Variants in ESYT2 observed in about 807,000 individuals in gnomAD.
ESYT2 encodes the protein extended synaptotagmin-2.
In ESYT2, 54 loss-of-function variants were observed where a neutral mutation model predicts 107.2. That is an observed-to-expected ratio of 0.50 (90% confidence interval 0.40 to 0.63). The LOEUF (loss-of-function observed/expected upper bound fraction) is 0.63, where lower values mean the gene tolerates loss of function less well. ESYT2 is among the 30% of genes least tolerant of loss of function. The pLI is 0.00. For missense variants in ESYT2, 1,020 were observed against 1,094.5 expected (o/e 0.93, Z 0.96); for synonymous variants, 491 against 434.1 (o/e 1.13, Z -1.63).
intron 1 of ESYT2, among the ~76,000 whole-genome samples, chr7:158,809,179 G>C (rs1214278495): frequency 9.9e-5 from 15 of 151,768 alleles, no homozygotes; most frequent in Admixed American, 9.9e-4. Context: ...ATTAAAAAAT[G>C]GGCAAAAGTG....
Position 158,764,784 on chromosome 7 carries a change from C to G in ESYT2, c.994G>C (p.Val332Leu), listed in dbSNP as rs756797333. ...QGKDTYLKGL[V>L]KGKSDPYGII... is the part of the protein sequence containing the mutation. Reference sequence around the variant, plus strand: ...CCATAGGGGTCTGACTTTCCCTTGACAAGTCCCTTAAGGTAAGTGTCTTTC... The same window carrying G: ...CCATAGGGGTCTGACTTTCCCTTGAGAAGTCCCTTAAGGTAAGTGTCTTTC... Residue 332 changes from valine to leucine, a missense_variant, in exon 9 of 23, where the codon GTC becomes CTC. Coordinates refer to ENST00000275418, the MANE Select transcript of ESYT2 (RefSeq NM_001367773.1). 6.2e-7 allele frequency: 1 copy of G among 1,614,196 alleles called. No homozygotes were observed. The highest frequency in any genetic ancestry group is 8.5e-7 in the Non-Finnish European group (1 of 1,180,020).
At chr7:158,759,405 G>C (rs1837882926) in intron 13 of ESYT2, 81 bp downstream of exon 13, 3 of 1,088,214 alleles carry the variant, frequency 2.8e-6, no homozygotes, top group Non-Finnish European at 4.1e-6. Flanking sequence ...GTGATGCAGA[G>C]TGCTGCACAA....
intron 3 of ESYT2, among the ~76,000 whole-genome samples, chr7:158,795,903 T>G (rs181838044): frequency 1.9e-4 from 29 of 152,282 alleles, no homozygotes; most frequent in African/African-American, 6.7e-4. Flanking sequence ...CAGGCAGGTG[T>G]CACACGTAAG....
At chr7:158,787,402 C>T (rs1183846255) in intron 6 of ESYT2, among the ~76,000 whole-genome samples, 1 of 152,150 alleles carries the variant, frequency 6.6e-6, no homozygotes, top group East Asian at 1.9e-4. Flanking sequence ...CGATAACATT[C>T]AACCTGTATA....
chr7:158,734,136 G>GT lies in ESYT2; in HGVS notation c.*70dup. The GT allele has an allele frequency of 1.3e-6, 2 of 1,497,034 alleles. No homozygotes were observed. Among genetic ancestry groups the GT allele is most frequent in the Non-Finnish European group, 1.9e-6 (2 of 1,076,700 alleles). 92.7% of individuals were successfully genotyped at this position (1,497,034 alleles called of 1,614,324 possible). A position where few individuals can be genotyped will look rare whatever the true frequency, so the allele number is the denominator to read the frequency against. The stretch of plus-strand genomic sequence containing the variant: ...GAAATTATAAAAATAACATTGGTAC[G>GT]TCTGTGAGAGGGTGTGTTCCGGGTA... On this transcript the variant is annotated 3_prime_UTR_variant, in exon 23 of 23. Transcript: ENST00000275418.
At chr7:158,818,870 C>G (rs1178278112) in intron 1 of ESYT2, among the ~76,000 whole-genome samples, 2 of 152,182 alleles carry the variant, frequency 1.3e-5, no homozygotes, top group Non-Finnish European at 2.9e-5. Flanking sequence ...GTGGGAGCCT[C>G]AAAGCTAACC....
At chr7:158,738,548 G>A (rs1376872246) in intron 19 of ESYT2, among the ~76,000 whole-genome samples, 1 of 152,036 alleles carries the variant, frequency 6.6e-6, no homozygotes, top group Non-Finnish European at 1.5e-5. Flanking sequence ...TCTGCCTCCT[G>A]GGTTCAAGTG....
At chr7:158,774,951 T>C (rs949306410) in intron 6 of ESYT2, among the ~76,000 whole-genome samples, 3 of 152,142 alleles carry the variant, frequency 2.0e-5, no homozygotes, top group South Asian at 4.1e-4. Context: ...GATGAGGCCA[T>C]TGTAGTTAAA....
Position 158,760,114 on chromosome 7 carries a change from G to A in ESYT2, c.1267C>T (p.Leu423=). 6.2e-7 allele frequency: 1 copy of A among 1,614,212 alleles called. No individual in the cohort carries two copies. The highest frequency in any genetic ancestry group is 8.5e-7 in the Non-Finnish European group (1 of 1,180,032). Residue 423 remains leucine (L), a synonymous_variant, in exon 12 of 23, where the codon CTA becomes TTA. Coordinates refer to ENST00000275418, the MANE Select transcript of ESYT2 (RefSeq NM_001367773.1). The stretch of plus-strand genomic sequence containing the variant: ...GTGAGCCACTCCAGTCTCAAGTGTA[G>A]CTTCCCCTTGGGAACCTCGTCCAGA... ...FTLDEVPKGK[L]HLRLEWLTLM... is the part of the protein sequence containing the mutation.
chr7:158,788,056 A>G lies in ESYT2; in HGVS notation c.695T>C (p.Ile232Thr). 6.2e-7 allele frequency: 1 copy of G among 1,614,158 alleles called. No homozygotes were observed. Among genetic ancestry groups the G allele is most frequent in the Non-Finnish European group, 8.5e-7 (1 of 1,179,976 alleles). The stretch of plus-strand genomic sequence containing the variant: ...AGCTCCAACTAAGGGCATATCTCCA[A>G]TCAACGGTTCCAGGATCACCCGCAT... ...GTMRVILEPLIGDMPLVGALS... is the reference protein window; with the variant it reads ...GTMRVILEPLTGDMPLVGALS... Residue 232 changes from isoleucine (I) to threonine (T), a missense_variant, in exon 6 of 23, where the codon ATT (isoleucine) becomes ACT (threonine). Coordinates refer to ENST00000275418, the MANE Select transcript of ESYT2 (RefSeq NM_001367773.1).
At chr7:158,764,387 A>G (rs1042886014) in intron 9 of ESYT2, among the ~76,000 whole-genome samples, 1 of 152,234 alleles carries the variant, frequency 6.6e-6, no homozygotes, top group African/African-American at 2.4e-5. Flanking sequence ...GTAACATTTT[A>G]TACTTAGAAA....
intron 1 of ESYT2, among the ~76,000 whole-genome samples, chr7:158,807,537 A>G (rs909937328): frequency 1.3e-5 from 2 of 152,196 alleles, no homozygotes; most frequent in Non-Finnish European, 2.9e-5. Context: ...AGACACATGA[A>G]AACACTAGTA....
chr7:158,778,566 C>T (rs1433326386), intron 6 of ESYT2, among the ~76,000 whole-genome samples: 4 of 152,040 alleles, frequency 2.6e-5, no homozygotes, highest in Admixed American at 2.0e-4. Context: ...TGAAATTTCA[C>T]GTTCCATACT....
intron 6 of ESYT2, among the ~76,000 whole-genome samples, chr7:158,783,895 G>A (rs977320935): frequency 5.9e-5 from 9 of 152,338 alleles, no homozygotes; most frequent in Middle Eastern, 3.4e-3. Context: ...CACCTTAAGG[G>A]ACAGAAGCCA....
At chr7:158,792,867 C>G (rs1055573640) in intron 4 of ESYT2, among the ~76,000 whole-genome samples, 3 of 145,248 alleles carry the variant, frequency 2.1e-5, no homozygotes, top group Non-Finnish European at 4.5e-5. Flanking sequence ...CTCCCAGGTT[C>G]ACACCACTCT....
chr7:158,774,839 G>A (rs1838493644), intron 6 of ESYT2, among the ~76,000 whole-genome samples: 1 of 152,200 alleles, frequency 6.6e-6, no homozygotes, highest in South Asian at 2.1e-4. Flanking sequence ...ACCCACTGGT[G>A]ACTGCTCCAT....
At chr7:158,792,548 CCAAA>C (rs1284090439) in intron 4 of ESYT2, among the ~76,000 whole-genome samples, 4 of 148,790 alleles carry the variant, frequency 2.7e-5, no homozygotes, top group African/African-American at 7.4e-5. Flanking sequence ...AAAAAACCAA[CCAAA>C]CAAAAACACA....
Position 158,748,556 on chromosome 7 carries a change from C to T in ESYT2, c.1558-276G>A, listed in dbSNP as rs571664664. On this transcript the variant is annotated intron_variant, in intron 15 of 22. Transcript: ENST00000275418. ...CCTGTGCGCCCACAGATAAAGGCTT[C>T]GTGTGCGTGGCCTGGCCTCGGTTCT... Among the ~76,000 whole-genome samples the T allele has an allele frequency of 3.2e-3, 490 of 152,132 alleles. 2 individuals carry two copies. Among genetic ancestry groups the T allele is most frequent in the African/African-American group, 0.011 (465 of 41,494 alleles).
chr7:158,741,415 C>T, intron 18 of ESYT2, 108 bp downstream of exon 18: 1 of 1,459,540 alleles, frequency 6.9e-7, no homozygotes, highest in Non-Finnish European at 9.1e-7. Flanking sequence ...GCCTCCCTCC[C>T]CAAAGCATGC....
Sources: allele counts gnomAD v4.1 joint callset (sites outside exome capture counted in the v4.1 genomes callset), GRCh38; gene constraint gnomAD v4.1.1; transcripts MANE v1.5; gene names NCBI Gene and HGNC (gene_info 2026-07-23, HGNC 2026-07-21).